UGT1A7: variants seen among roughly 807,000 people sequenced by gnomAD.
The protein encoded by UGT1A7 is UDP glucuronosyltransferase family 1 member A7, also known as UDP-glucuronosyltransferase 1A7.
In UGT1A7, 33 loss-of-function variants were observed where a neutral mutation model predicts 45.6. The ratio of observed to expected loss-of-function variants is 0.72; its 90% confidence interval spans 0.55 to 0.97. The LOEUF (loss-of-function observed/expected upper bound fraction) is 0.97. Among genes scored for constraint, UGT1A7 ranks in the 50% least tolerant of loss-of-function variants. UGT1A7 has a pLI of 0.00. For synonymous variants in UGT1A7, 274 were observed against 250.6 expected, an observed-to-expected ratio of 1.09 and a Z score of -0.88; for missense variants, 684 against 666.2, an observed-to-expected ratio of 1.03 and a Z score of -0.29.
Position 233,760,454 on chromosome 2 carries a change from A to C in UGT1A7, c.856-6580A>C, listed in dbSNP as rs140365717. 64 of 1,614,102 alleles carry C rather than the reference A, an allele frequency of 4.0e-5. No homozygotes were observed. The highest frequency in any genetic ancestry group is 5.0e-5 in the Non-Finnish European group (59 of 1,180,050). On this transcript the variant is annotated intron_variant, in intron 1 of 4. Coordinates refer to ENST00000373426, the MANE Select transcript of UGT1A7 (RefSeq NM_019077.3). Reference sequence around the variant, plus strand: ...CAGCAGCTGCAGCAGAGGGGACATGAAATAGTTGTCCTAGCACCTGACGCC... The same window carrying C: ...CAGCAGCTGCAGCAGAGGGGACATGCAATAGTTGTCCTAGCACCTGACGCC...
At chr2:233,720,781 C>G (rs2076890046) in intron 1 of UGT1A7, among the ~76,000 whole-genome samples, 1 of 151,290 alleles carries the variant, frequency 6.6e-6, no homozygotes, top group South Asian at 2.1e-4. Flanking sequence ...TCTCCGCTCA[C>G]TGCAACCTTC....
intron 1 of UGT1A7, among the ~76,000 whole-genome samples, chr2:233,739,216 G>A (rs1265405440): frequency 6.6e-6 from 1 of 152,218 alleles, no homozygotes; most frequent in Admixed American, 6.5e-5. Context: ...CATGGATAGA[G>A]TCCTTATAGA....
intron 1 of UGT1A7, among the ~76,000 whole-genome samples, chr2:233,702,341 T>C (rs1039044704): frequency 4.6e-5 from 7 of 152,218 alleles, no homozygotes; most frequent in African/African-American, 1.7e-4. Flanking sequence ...TGTTTATTTG[T>C]TCTAATAGTT....
At chr2:233,743,379 G>A (rs553930129) in intron 1 of UGT1A7, 50 of 1,176,986 alleles carry the variant, frequency 4.2e-5, no homozygotes, top group South Asian at 3.5e-4. Flanking sequence ...CATCACTACC[G>A]TAGGACATGC....
chr2:233,759,311 G>A (rs1276961284), intron 1 of UGT1A7, among the ~76,000 whole-genome samples: 2 of 152,170 alleles, frequency 1.3e-5, no homozygotes, highest in African/African-American at 2.4e-5. Context: ...TGGCTGAGGT[G>A]GGTGAGCTTT....
chr2:233,704,547 A>G (rs1186036983), intron 1 of UGT1A7, among the ~76,000 whole-genome samples: 1 of 152,170 alleles, frequency 6.6e-6, no homozygotes, highest in East Asian at 1.9e-4. Context: ...TGGTGATAAT[A>G]TTACTTTATA....
At chr2:233,718,718 T>C in intron 1 of UGT1A7, 1 of 1,609,208 alleles carries the variant, frequency 6.2e-7, no homozygotes, top group Non-Finnish European at 8.5e-7. Flanking sequence ...AATTACATGC[T>C]GATTTGCTAG....
intron 1 of UGT1A7, among the ~76,000 whole-genome samples, chr2:233,701,090 G>A (rs1014206515): frequency 6.6e-6 from 1 of 152,156 alleles, no homozygotes; most frequent in Non-Finnish European, 1.5e-5. Flanking sequence ...TGGTGTATAT[G>A]TGCCACATTT....
intron 1 of UGT1A7, among the ~76,000 whole-genome samples, chr2:233,724,647 T>G (rs1247687172): frequency 2.2e-5 from 3 of 137,376 alleles, no homozygotes; most frequent in East Asian, 2.4e-4. Flanking sequence ...TGATGGCGGC[T>G]GGGAAGAGGC....
intron 1 of UGT1A7, among the ~76,000 whole-genome samples, chr2:233,702,877 C>G (rs7420193): frequency 0.12 from 18,416 of 152,098 alleles, 1,310 homozygotes; most frequent in South Asian, 0.2. Context: ...TTATTGAGGA[C>G]TTTTGCATCA....
intron 1 of UGT1A7, among the ~76,000 whole-genome samples, chr2:233,749,225 A>G (rs1694145904): frequency 6.6e-6 from 1 of 151,808 alleles, no homozygotes; most frequent in Non-Finnish European, 1.5e-5. Context: ...TCTAAGCTTC[A>G]TTTTTTAAAA....
intron 1 of UGT1A7, among the ~76,000 whole-genome samples, chr2:233,725,008 C>T (rs1479605569): frequency 5.4e-5 from 8 of 148,164 alleles, no homozygotes; most frequent in African/African-American, 2.0e-4. Context: ...ACCGGCCCGG[C>T]CAAACAGCAA....
At chr2:233,697,058 G>T (rs1287604858) in intron 1 of UGT1A7, among the ~76,000 whole-genome samples, 1 of 151,826 alleles carries the variant, frequency 6.6e-6, no homozygotes, top group Non-Finnish European at 1.5e-5. Context: ...TTGTGTCCTT[G>T]TCTGGTTTTG....
rs1379910572 is a variant in UGT1A7 at position 233,693,554 on chromosome 2, A to G, written c.855+10762A>G. 5 of 1,614,194 alleles carry G rather than the reference A, an allele frequency of 3.1e-6. No homozygotes were observed. The East Asian group carries it at 1.1e-4, about 36-fold the overall frequency. On this transcript the variant is annotated intron_variant, in intron 1 of 4. Transcript: ENST00000373426. ...GTGTTCCCTGGAGCATACATTCAGCAGAAGCCCAGACCCTGTGTCCTACAT... is the reference window on the plus strand; with the variant it reads ...GTGTTCCCTGGAGCATACATTCAGCGGAAGCCCAGACCCTGTGTCCTACAT...
chr2:233,747,098 T>C (rs1559391803), intron 1 of UGT1A7: 2 of 1,324,344 alleles, frequency 1.5e-6, no homozygotes, highest in Non-Finnish European at 2.1e-6. Flanking sequence ...CACTCTATCT[T>C]CCAATTACAT....
chr2:233,744,977 C>G (rs528812849), intron 1 of UGT1A7, among the ~76,000 whole-genome samples: 5 of 151,856 alleles, frequency 3.3e-5, no homozygotes, highest in Non-Finnish European at 7.3e-5. Flanking sequence ...CTTTAAGCCT[C>G]TAGTCATCTC....
intron 1 of UGT1A7, among the ~76,000 whole-genome samples, chr2:233,726,709 G>T (rs2077553712): frequency 6.6e-6 from 1 of 152,172 alleles, no homozygotes; most frequent in African/African-American, 2.4e-5. Context: ...TCCCAGGTTT[G>T]AGGAAGTACA....
intron 1 of UGT1A7, among the ~76,000 whole-genome samples, chr2:233,717,127 G>T (rs182084738): frequency 7.2e-5 from 11 of 152,266 alleles, no homozygotes; most frequent in Non-Finnish European, 1.6e-4. Context: ...CATGGAAATA[G>T]AACACCACTA....
rs111385892 is a variant in UGT1A7, at chr2:233,757,128, A to T, written c.856-9906A>T. Among the ~76,000 whole-genome samples the T allele has an allele frequency of 1.2e-3, 185 of 151,286 alleles. 2 individuals carry two copies. The highest frequency in any genetic ancestry group is 4.0e-3 in the African/African-American group (165 of 41,200). On this transcript the variant is annotated intron_variant, in intron 1 of 4. Transcript: ENST00000373426. Reference sequence around the variant, plus strand: ...CAAGCAGAAGGGCTAGAGAGGAGGAATGAGCTTGGACAGGTGGGCTGGGGT... The same window carrying T: ...CAAGCAGAAGGGCTAGAGAGGAGGATTGAGCTTGGACAGGTGGGCTGGGGT...
Sources: gnomAD v4.1 joint callset for allele counts (sites outside exome capture counted in the v4.1 genomes callset) on GRCh38, gnomAD v4.1.1 for gene constraint, MANE v1.5 for transcripts, NCBI Gene and HGNC (gene_info 2026-07-23, HGNC 2026-07-21) for gene names.